RAB3B: variants seen among roughly 807,000 people sequenced by gnomAD.
The protein encoded by RAB3B is RAB3B, member RAS oncogene family.
A neutral mutation model predicts 20.5 loss-of-function variants in RAB3B; 11 were observed. That is an observed-to-expected ratio of 0.54 (90% confidence interval 0.34 to 0.89). The LOEUF is 0.89. RAB3B is among the 40% of genes least tolerant of loss of function. The pLI is 0.02. For synonymous variants in RAB3B, 99 were observed against 106.3 expected (o/e 0.93, Z 0.42); for missense variants, 225 against 280.9 (o/e 0.80, Z 1.42).
At chr1:51,979,048 C>G (rs140594343) in intron 1 of RAB3B, among the ~76,000 whole-genome samples, 162 of 152,254 alleles carry the variant, frequency 1.1e-3, no homozygotes, top group Admixed American at 2.8e-3. Context: ...AAGTTCCATC[C>G]CTGTATCAAT....
intron 4 of RAB3B, among the ~76,000 whole-genome samples, chr1:51,923,467 G>A (rs992793921): frequency 3.9e-5 from 6 of 152,154 alleles, no homozygotes; most frequent in African/African-American, 9.7e-5. Flanking sequence ...TGTAATCCCT[G>A]CAGTTTGGGA....
At chr1:51,935,324 C>T (rs1256732150) in intron 3 of RAB3B, among the ~76,000 whole-genome samples, 2 of 152,212 alleles carry the variant, frequency 1.3e-5, no homozygotes, top group Non-Finnish European at 2.9e-5. Flanking sequence ...TCAACCACCA[C>T]TTCTTGTGGG....
At chr1:51,920,245 C>T (rs954734481) in intron 4 of RAB3B, 131 bp from the exon 5 acceptor site, 16 of 744,478 alleles carry the variant, frequency 2.1e-5, no homozygotes, top group South Asian at 1.3e-4. Flanking sequence ...CTAAATTCCA[C>T]GGACATGGGA....
chr1:51,986,462 A>C (rs1571983724), intron 1 of RAB3B, among the ~76,000 whole-genome samples: 1 of 151,966 alleles, frequency 6.6e-6, no homozygotes, highest in East Asian at 1.9e-4. Context: ...AAAAAGTTTA[A>C]ATTAGTCGGA....
intron 1 of RAB3B, among the ~76,000 whole-genome samples, chr1:51,979,858 A>G (rs931293517): frequency 2.0e-5 from 3 of 151,722 alleles, no homozygotes; most frequent in Non-Finnish European, 2.9e-5. Flanking sequence ...CCTGGCTAAC[A>G]CGGTGAAACC....
At chr1:51,946,129 G>C (rs1684560977) in intron 2 of RAB3B, among the ~76,000 whole-genome samples, 1 of 152,174 alleles carries the variant, frequency 6.6e-6, no homozygotes, top group Non-Finnish European at 1.5e-5. Flanking sequence ...ACTTTGAAGT[G>C]ACTGTGTGAG....
chr1:51,952,361 C>G (rs977937591), intron 2 of RAB3B, among the ~76,000 whole-genome samples: 1 of 152,150 alleles, frequency 6.6e-6, no homozygotes, highest in Non-Finnish European at 1.5e-5. Flanking sequence ...ATGGATATAG[C>G]TATTGATTTC....
At chr1:51,974,952 G>A (rs538422123) in intron 2 of RAB3B, among the ~76,000 whole-genome samples, 28 of 152,322 alleles carry the variant, frequency 1.8e-4, no homozygotes, top group African/African-American at 6.3e-4. Context: ...GGTGGCTCAC[G>A]CCTGTAATCC....
intron 4 of RAB3B, among the ~76,000 whole-genome samples, chr1:51,932,162 A>C (rs530010122): frequency 6.6e-6 from 1 of 152,144 alleles, no homozygotes; most frequent in Non-Finnish European, 1.5e-5. Flanking sequence ...CATAATACAA[A>C]TATATAAAAC....
In RAB3B at chr1:51,908,367, A is replaced by G. The variant is rs1318314655; in HGVS notation, c.*11560T>C. On this transcript the variant is annotated 3_prime_UTR_variant, in exon 5 of 5. Coordinates refer to ENST00000371655, the MANE Select transcript of RAB3B (RefSeq NM_002867.4). ...AATTCTGCTCATACTGCTATGGTAC[A>G]TCTCCTAGGTTGGCATGAGACCAGC... The G allele has an allele frequency of 6.6e-6, 1 of 152,104 alleles. No homozygotes were observed. Among genetic ancestry groups the G allele is most frequent in the Non-Finnish European group, 1.5e-5 (1 of 68,026 alleles). 9.4% of individuals were successfully genotyped at this position (152,104 alleles called of 1,614,324 possible).
chr1:51,985,064 T>G (rs988384147), intron 1 of RAB3B, among the ~76,000 whole-genome samples: 1 of 152,152 alleles, frequency 6.6e-6, no homozygotes, highest in Admixed American at 6.5e-5. Context: ...CCACAGCACT[T>G]TTACCTTAAA....
At chr1:51,986,394 C>T (rs547046868) in intron 1 of RAB3B, among the ~76,000 whole-genome samples, 1 of 152,066 alleles carries the variant, frequency 6.6e-6, no homozygotes, top group African/African-American at 2.4e-5. Context: ...TTGTGATCCG[C>T]CTGCCTCGGC....
At chr1:51,962,385 G>A (rs766133164) in intron 2 of RAB3B, among the ~76,000 whole-genome samples, 4 of 152,178 alleles carry the variant, frequency 2.6e-5, no homozygotes, top group Non-Finnish European at 5.9e-5. Flanking sequence ...GTGAAGTCAA[G>A]AGGGATGCCA....
At chr1:51,932,874 C>A (rs537322984) in intron 4 of RAB3B, among the ~76,000 whole-genome samples, 38 of 152,084 alleles carry the variant, frequency 2.5e-4, no homozygotes, top group Non-Finnish European at 4.9e-4. Context: ...AACATTTTGG[C>A]CCCAACTCTT....
chr1:51,976,940 T>A lies in RAB3B; in HGVS notation c.178A>T (p.Lys60Ter). ...TCGTGACGGTAGACTGTCTTCACCT[T>A]GAAGTCGATGCCCACGGTGCTAACG... ...AFVSTVGIDF[K>*]VKTVYRHEKR... Residue 60 changes from lysine to a stop codon, truncating the protein, a stop_gained, in exon 2 of 5, where the codon AAG becomes TAG. Transcript: ENST00000371655. LOFTEE classifies it high-confidence loss of function. 6.2e-7 allele frequency: 1 copy of A among 1,614,232 alleles called. No homozygotes were observed. Among genetic ancestry groups the A allele is most frequent in the African/African-American group, 1.3e-5 (1 of 75,052 alleles).
At chr1:51,960,066 C>T (rs951509279) in intron 2 of RAB3B, among the ~76,000 whole-genome samples, 5 of 151,596 alleles carry the variant, frequency 3.3e-5, no homozygotes, top group Admixed American at 6.6e-5. Flanking sequence ...GGAGTGACAG[C>T]GATTATGGAG....
intron 3 of RAB3B, among the ~76,000 whole-genome samples, chr1:51,934,931 G>T (rs1381264354): frequency 6.6e-6 from 1 of 151,996 alleles, no homozygotes; most frequent in Non-Finnish European, 1.5e-5. Flanking sequence ...GTGGAGATGG[G>T]CCTAACATTC....
chr1:51,926,281 TC>T (rs1380355732), intron 4 of RAB3B, among the ~76,000 whole-genome samples: 1 of 152,214 alleles, frequency 6.6e-6, no homozygotes, highest in Non-Finnish European at 1.5e-5. Flanking sequence ...CACCTCTGTG[TC>T]CCCAGAGTCC....
At position 51,919,905 on chromosome 1, in the gene RAB3B, A is replaced by C. The variant is rs1684146781; in HGVS notation, c.*22T>G. 6.3e-7 allele frequency: 1 copy of C among 1,598,622 alleles called. No homozygotes were observed. Among genetic ancestry groups the C allele is most frequent in the African/African-American group, 1.3e-5 (1 of 74,616 alleles). On this transcript the variant is annotated 3_prime_UTR_variant, in exon 5 of 5. Transcript: ENST00000371655. ...CTGGGTGTGGGGCCACAATGAGGGG[A>C]GGTCAGGAAGGTGGGCCTTGCCTAG...
Sources: gnomAD v4.1 joint callset for allele counts (sites outside exome capture counted in the v4.1 genomes callset) on GRCh38, gnomAD v4.1.1 for gene constraint, MANE v1.5 for transcripts, NCBI Gene and HGNC (gene_info 2026-07-23, HGNC 2026-07-21) for gene names.